The following CYP11A1 variants were observed in gnomAD, a reference collection of about 807,000 sequenced individuals.
The protein encoded by CYP11A1 is cholesterol side-chain cleavage enzyme, mitochondrial.
CYP11A1 carries 25 observed loss-of-function variants against 51.9 expected under a neutral mutation model. The ratio of observed to expected loss-of-function variants is 0.48; its 90% confidence interval spans 0.35 to 0.67. The LOEUF (loss-of-function observed/expected upper bound fraction) is 0.67, where lower values mean the gene tolerates loss of function less well. Among genes scored for constraint, CYP11A1 ranks in the 30% least tolerant of loss-of-function variants. CYP11A1 has a pLI of 0.00. For synonymous variants in CYP11A1, 245 were observed against 262.1 expected, an observed-to-expected ratio of 0.93 and a Z score of 0.63; for missense variants, 578 against 680.9, an observed-to-expected ratio of 0.85 and a Z score of 1.68.
At chr15:74,342,175 C>T (rs993799335) in intron 5 of CYP11A1, among the ~76,000 whole-genome samples, 6 of 152,080 alleles carry the variant, frequency 3.9e-5, no homozygotes, top group South Asian at 4.1e-4. Flanking sequence ...CTCTGCCTCA[C>T]GGGTTCAAGC....
intron 1 of CYP11A1, chr15:74,366,943 T>G (rs1389002603): frequency 2.4e-5 from 6 of 255,056 alleles, no homozygotes; most frequent in Non-Finnish European, 4.6e-5. Flanking sequence ...CTCGAACTCT[T>G]GATCTCAAGT....
intron 3 of CYP11A1, 153 bp downstream of exon 3, chr15:74,344,891 G>A (rs905376018): frequency 2.5e-6 from 2 of 787,646 alleles, no homozygotes; most frequent in African/African-American, 1.7e-5. Context: ...AATTGCCTCT[G>A]AGTAGCAGGC....
intron 2 of CYP11A1, among the ~76,000 whole-genome samples, chr15:74,346,246 C>T (rs761295207): frequency 2.7e-5 from 4 of 149,740 alleles, no homozygotes; most frequent in East Asian, 2.0e-4. Context: ...CCAGCTACGC[C>T]GGAGCTTGAG....
At chr15:74,339,936 C>T (rs1173380251) in intron 5 of CYP11A1, among the ~76,000 whole-genome samples, 183 bp from the exon 6 acceptor site, 1 of 152,214 alleles carries the variant, frequency 6.6e-6, no homozygotes, top group Admixed American at 6.5e-5. Flanking sequence ...GGCAAATGTC[C>T]AAGAAGCCTT....
intron 2 of CYP11A1, among the ~76,000 whole-genome samples, chr15:74,347,299 C>T (rs2060636933): frequency 6.6e-6 from 1 of 152,136 alleles, no homozygotes; most frequent in African/African-American, 2.4e-5. Flanking sequence ...ATCCCAGCTA[C>T]TTGGGAGGCT....
intron 1 of CYP11A1, chr15:74,364,511 G>T (rs1355488338): frequency 6.6e-6 from 1 of 152,192 alleles, no homozygotes; most frequent in Non-Finnish European, 1.5e-5. Flanking sequence ...ATCCTCTGGG[G>T]GTAAATGCCC....
intron 1 of CYP11A1, chr15:74,365,862 G>A: frequency 1.0e-6 from 1 of 985,284 alleles, no homozygotes; most frequent in Non-Finnish European, 1.2e-6. Context: ...TCCCTGCTTC[G>A]CCGCCGCCTC....
chr15:74,343,958 C>A lies in CYP11A1; in HGVS notation c.660G>T (p.Gly220=). 1 of 1,614,102 alleles carries A rather than the reference C, an allele frequency of 6.2e-7. No individual in the cohort carries two copies. The change falls in exon 4 of 9, where the codon GGG becomes GGT. Residue 220 remains glycine (G), a synonymous_variant. Coordinates refer to ENST00000268053, the MANE Select transcript of CYP11A1 (RefSeq NM_000781.3). ...ITNVIFGERQ[G]MLEEVVNPEA... The stretch of plus-strand genomic sequence containing the variant: ...CGGGGTTCACTACTTCCTCCAGCAT[C>A]CCCTGGCGCTCCCCAAAAATGACGT...
chr15:74,348,873 A>G (rs1342330904), intron 1 of CYP11A1, among the ~76,000 whole-genome samples: 2 of 152,084 alleles, frequency 1.3e-5, no homozygotes, highest in Admixed American at 6.5e-5. Context: ...ACCTGGGACT[A>G]CAGGCACCAC....
rs775559966 is a variant in CYP11A1 at position 74,339,638 on chromosome 15, G to A, written c.1106C>T (p.Thr369Met). ...GAGGAGGGGGACCAGCTGTAGCATC[G>A]TGGCCATGTCTCCCTGGGCCTGGTG... The part of the protein sequence containing the change: ...ARHQAQGDMA[T>M]MLQLVPLLKA... Residue 369 changes from threonine to methionine, a missense_variant, in exon 6 of 9, where the codon ACG becomes ATG. Coordinates refer to ENST00000268053, the MANE Select transcript of CYP11A1 (RefSeq NM_000781.3). The A allele has an allele frequency of 2.2e-5, 35 of 1,614,108 alleles. No individual in the cohort carries two copies. The highest frequency in any genetic ancestry group is 1.1e-4 in the South Asian group (10 of 91,080).
At position 74,339,657 on chromosome 15, in the gene CYP11A1, C is replaced by T. The variant is rs766638643; in HGVS notation, c.1087G>A (p.Ala363Thr). Residue 363 changes from alanine to threonine, a missense_variant, in exon 6 of 9, where the codon GCC becomes ACC. Physicochemically the swap from Ala to Thr is moderately conservative, Grantham distance 58. Transcript: ENST00000268053. ...AGCATCGTGGCCATGTCTCCCTGGGCCTGGTGCCGCGCAGCCAAGACCTCT... is the reference window on the plus strand; with the variant it reads ...AGCATCGTGGCCATGTCTCCCTGGGTCTGGTGCCGCGCAGCCAAGACCTCT... Reference protein sequence around the residue: ...RAEVLAARHQAQGDMATMLQL... With the variant: ...RAEVLAARHQTQGDMATMLQL... The T allele has an allele frequency of 6.2e-7, 1 of 1,614,022 alleles. No individual in the cohort carries two copies. Among genetic ancestry groups the T allele is most frequent in the Non-Finnish European group, 8.5e-7 (1 of 1,180,028 alleles).
intron 1 of CYP11A1, chr15:74,348,358 C>G (rs182585985): frequency 2.5e-6 from 1 of 399,840 alleles, no homozygotes; most frequent in Non-Finnish European, 4.7e-6. Context: ...CAGGGCCAGC[C>G]CAAAGCCACC....
At chr15:74,367,103 T>C in intron 1 of CYP11A1, 1 of 610,582 alleles carries the variant, frequency 1.6e-6, no homozygotes, top group East Asian at 2.8e-5. Flanking sequence ...ATGTCTGGTT[T>C]AGAGTACTTA....
intron 1 of CYP11A1, 61 bp from the exon 2 acceptor site, chr15:74,348,116 C>T (rs568472578): frequency 1.3e-6 from 2 of 1,580,612 alleles, no homozygotes; most frequent in Admixed American, 1.8e-5. Flanking sequence ...GATACAGGCT[C>T]AGCACAGCTG....
At position 74,338,033 on chromosome 15, in the gene CYP11A1, A is replaced by G. The variant is rs551306530; in HGVS notation, c.1505T>C (p.Met502Thr). The change falls in exon 9 of 9, where the codon ATG becomes ACG. Residue 502 changes from methionine to threonine, a missense_variant. Coordinates refer to ENST00000268053, the MANE Select transcript of CYP11A1 (RefSeq NM_000781.3). ...DVGTTFNLIL[M>T]PEKPISFTFW... Reference sequence around the variant, plus strand: ...GGTGAAGGAGATGGGCTTTTCAGGCATCAGAATGAGGTTGAATGTGGTGCC... The same window carrying G: ...GGTGAAGGAGATGGGCTTTTCAGGCGTCAGAATGAGGTTGAATGTGGTGCC... 1.6e-5 allele frequency: 26 copies of G among 1,614,154 alleles called. No individual in the cohort carries two copies. In the East Asian group the frequency reaches 2.2e-4, roughly 14 times the overall value.
chr15:74,339,814 G>A (rs953468098), intron 5 of CYP11A1, 61 bp from the exon 6 acceptor site: 117 of 1,524,954 alleles, frequency 7.7e-5, no homozygotes, highest in Non-Finnish European at 1.0e-4. Context: ...GCCCCTTGAG[G>A]TCCTTGACCC....
intron 2 of CYP11A1, 149 bp downstream of exon 2, chr15:74,347,751 G>C: frequency 1.4e-6 from 1 of 711,570 alleles, no homozygotes; most frequent in Non-Finnish European, 2.4e-6. Flanking sequence ...ATTTGTTTTA[G>C]GGAGGCAGGA....
At chr15:74,353,668 G>A (rs1444810400) in intron 1 of CYP11A1, among the ~76,000 whole-genome samples, 1 of 152,060 alleles carries the variant, frequency 6.6e-6, no homozygotes, top group Non-Finnish European at 1.5e-5. Context: ...AGCCTCCAGG[G>A]TAAATTGAAT....
rs1468596322 is a variant in CYP11A1 at position 74,343,986 on chromosome 15, G to A, written c.632C>T (p.Thr211Ile). The A allele has an allele frequency of 6.2e-7, 1 of 1,614,090 alleles. No individual in the cohort carries two copies. Among genetic ancestry groups the A allele is most frequent in the Non-Finnish European group, 8.5e-7 (1 of 1,180,010 alleles). The change falls in exon 4 of 9, where the codon ACT (threonine) becomes ATT (isoleucine). Residue 211 changes from threonine (T) to isoleucine (I), a missense_variant. Physicochemically the swap from Thr to Ile is moderately conservative, Grantham distance 89. Transcript: ENST00000268053. ...DLFRFAFESI[T>I]NVIFGERQGM... ...CTGGCGCTCCCCAAAAATGACGTTA[G>A]TGATGGCTGCAGGGAGAGGAAGAGG...
Sources: gnomAD v4.1 joint callset for allele counts (sites outside exome capture counted in the v4.1 genomes callset) on GRCh38, gnomAD v4.1.1 for gene constraint, MANE v1.5 for transcripts, NCBI Gene and HGNC (gene_info 2026-07-23, HGNC 2026-07-21) for gene names.